INVS: variants seen among roughly 807,000 people sequenced by gnomAD.
INVS encodes inversin.
INVS carries 86 observed loss-of-function variants against 108.8 expected under a neutral mutation model. That is an observed-to-expected ratio of 0.79 (90% CI 0.66 to 0.95). The LOEUF (loss-of-function observed/expected upper bound fraction) is 0.95. INVS is among the 40% of genes least tolerant of loss of function. The probability of loss-of-function intolerance (pLI) is 0.00; values close to 1 mark genes in which losing one functional copy is unlikely to be tolerated. For synonymous variants in INVS, 455 were observed against 473.5 expected (o/e 0.96, Z 0.51); for missense variants, 1,169 against 1,297.4 (o/e 0.90, Z 1.52).
chr9:100,231,521 C>G (rs1366573449), intron 5 of INVS, among the ~76,000 whole-genome samples: 1 of 149,412 alleles, frequency 6.7e-6, no homozygotes, highest in Non-Finnish European at 1.5e-5. Context: ...CCCCACCCCC[C>G]AACAGGCCCC....
intron 3 of INVS, among the ~76,000 whole-genome samples, chr9:100,193,995 G>T (rs1370328854): frequency 6.6e-6 from 1 of 152,146 alleles, no homozygotes; most frequent in Non-Finnish European, 1.5e-5. Flanking sequence ...GAACATTTGG[G>T]TTGTTTTCTG....
rs60762136 is a variant in INVS at position 100,189,106 on chromosome 9, C to CTTTTTTTTTTTTT, written c.274-36947_274-36935dup. Among the ~76,000 whole-genome samples, 318 of 69,458 alleles carry CTTTTTTTTTTTTT rather than the reference C, an allele frequency of 4.6e-3. 8 individuals carry two copies. Among genetic ancestry groups the CTTTTTTTTTTTTT allele is most frequent in the Middle Eastern group, 0.011 (1 of 92 alleles). The allele number at this position is 69,458 out of a possible 152,430, so 45.6% of individuals were successfully genotyped here. A position where few individuals can be genotyped will look rare whatever the true frequency, so the allele number is the denominator to read the frequency against. On this transcript the variant is annotated intron_variant, in intron 3 of 16. Coordinates refer to ENST00000262457, the MANE Select transcript of INVS (RefSeq NM_014425.5). ...TTCTAATGGAACTTATTTGCATCTT[C>CTTTTTTTTTTTTT]TTTTTTTTTTTTTTTTTTTTTGGTT...
At chr9:100,147,055 G>T (rs569443171) in intron 3 of INVS, among the ~76,000 whole-genome samples, 15 of 152,158 alleles carry the variant, frequency 9.9e-5, no homozygotes, top group Non-Finnish European at 1.5e-4. Context: ...TTAAATTAAT[G>T]TGTTGAATTG....
intron 7 of INVS, among the ~76,000 whole-genome samples, 182 bp from the exon 8 acceptor site, chr9:100,246,434 A>C (rs1375963403): frequency 6.6e-6 from 1 of 152,216 alleles, no homozygotes; most frequent in Non-Finnish European, 1.5e-5. Context: ...GTAAGGACAG[A>C]GGATTGTTAT....
intron 6 of INVS, 149 bp downstream of exon 6, chr9:100,240,389 G>A (rs1831829593): frequency 6.2e-6 from 3 of 480,152 alleles, no homozygotes; most frequent in Non-Finnish European, 1.1e-5. Context: ...CTAAATTATA[G>A]TAATATAAAT....
At chr9:100,238,289 G>A (rs921948766) in intron 5 of INVS, among the ~76,000 whole-genome samples, 1 of 151,748 alleles carries the variant, frequency 6.6e-6, no homozygotes, top group African/African-American at 2.4e-5. Flanking sequence ...ATATTATTTT[G>A]CTACTTTCTG....
chr9:100,156,754 C>A (rs1828999523), intron 3 of INVS, among the ~76,000 whole-genome samples: 1 of 151,920 alleles, frequency 6.6e-6, no homozygotes, highest in African/African-American at 2.4e-5. Flanking sequence ...ATGTATGTTT[C>A]CTTGTTGCCT....
intron 2 of INVS, among the ~76,000 whole-genome samples, chr9:100,107,358 A>T (rs1020020504): frequency 6.6e-6 from 1 of 152,208 alleles, no homozygotes; most frequent in African/African-American, 2.4e-5. Flanking sequence ...TAAATGTTCC[A>T]TGTTCACTTG....
intron 11 of INVS, among the ~76,000 whole-genome samples, chr9:100,268,212 C>T (rs1042203545): frequency 6.6e-6 from 1 of 152,108 alleles, no homozygotes; most frequent in Non-Finnish European, 1.5e-5. Flanking sequence ...AAGTACAATA[C>T]TTGTTTATAT....
At chr9:100,259,365 A>G (rs2806690) in intron 10 of INVS, among the ~76,000 whole-genome samples, 79,290 of 151,820 alleles carry the variant, frequency 0.52, 21,620 homozygotes, top group African/African-American at 0.57. Context: ...GACCCCTTGC[A>G]CTTTCTGGGT....
At chr9:100,253,888 G>A (rs1168964298) in intron 10 of INVS, among the ~76,000 whole-genome samples, 1 of 152,160 alleles carries the variant, frequency 6.6e-6, no homozygotes, top group African/African-American at 2.4e-5. Context: ...GTGTGCATGT[G>A]TCTTTATAGC....
chr9:100,220,975 A>C (rs913302552), intron 3 of INVS, among the ~76,000 whole-genome samples: 19 of 36,314 alleles, frequency 5.2e-4, no homozygotes, highest in Non-Finnish European at 7.0e-4. Flanking sequence ...ACTCTGTCCC[A>C]AAAAAAAAAA....
intron 1 of INVS, among the ~76,000 whole-genome samples, chr9:100,103,855 T>TA (rs1827089587): frequency 6.6e-6 from 1 of 152,082 alleles, no homozygotes; most frequent in Non-Finnish European, 1.5e-5. Context: ...CCAGCCCTAA[T>TA]TAATTTTTTT....
In INVS at chr9:100,284,566, C is replaced by T. The variant is rs756240366; in HGVS notation, c.2031C>T (p.Ser677=). The T allele has an allele frequency of 8.4e-5, 135 of 1,613,656 alleles. No homozygotes were observed. The highest frequency in any genetic ancestry group is 1.1e-4 in the Non-Finnish European group (132 of 1,179,800). Residue 677 remains serine (S), a synonymous_variant, in exon 13 of 17, where the codon TCC becomes TCT. Transcript: ENST00000262457. The part of the protein sequence containing the change: ...GGALQKEQHV[S]SDLQGTNSRR... ...CCCTCCAGAAGGAGCAGCATGTTTC[C>T]TCAGATTTGCAGGGAACAAACTCCA...
chr9:100,100,929 A>ATATATG lies in INVS; in HGVS notation c.-25+1518_-25+1519insGTATAT, dbSNP rs1564112300. On this transcript the variant is annotated intron_variant, in intron 1 of 16. Coordinates refer to ENST00000262457, the MANE Select transcript of INVS (RefSeq NM_014425.5). ...TATATATATTATATGTATATATATA[A>ATATATG]TATATATAATATATATACATATATA... Among the ~76,000 whole-genome samples the ATATATG allele has an allele frequency of 2.7e-3, 66 of 24,314 alleles. 4 individuals carry two copies. The highest frequency in any genetic ancestry group is 0.015 in the African/African-American group (58 of 3,766). 16.0% of individuals were successfully genotyped at this position (24,314 alleles called of 152,430 possible).
intron 12 of INVS, among the ~76,000 whole-genome samples, chr9:100,276,193 C>T (rs375612005): frequency 6.6e-6 from 1 of 152,162 alleles, no homozygotes; most frequent in African/African-American, 2.4e-5. Context: ...GTAGATAGCC[C>T]CCTAATCTGT....
chr9:100,165,088 T>G (rs768701130), intron 3 of INVS, among the ~76,000 whole-genome samples: 4 of 150,222 alleles, frequency 2.7e-5, no homozygotes, highest in Non-Finnish European at 4.4e-5. Flanking sequence ...ATTGTTCAAT[T>G]TTTTTTTTCT....
At chr9:100,137,395 G>A (rs1248498524) in intron 3 of INVS, among the ~76,000 whole-genome samples, 2 of 152,156 alleles carry the variant, frequency 1.3e-5, no homozygotes, top group Admixed American at 6.5e-5. Flanking sequence ...GAGGAAGTGA[G>A]AAAGCTAGTG....
chr9:100,283,188 A>G (rs1833331454), intron 12 of INVS, among the ~76,000 whole-genome samples: 2 of 152,074 alleles, frequency 1.3e-5, no homozygotes, highest in Non-Finnish European at 2.9e-5. Flanking sequence ...GTGGTGGGGC[A>G]TGCTACTCGG....
Sources: gnomAD v4.1 joint callset for allele counts (sites outside exome capture counted in the v4.1 genomes callset) on GRCh38, gnomAD v4.1.1 for gene constraint, MANE v1.5 for transcripts, NCBI Gene and HGNC (gene_info 2026-07-23, HGNC 2026-07-21) for gene names.